SNRPE: variants seen among roughly 807,000 people sequenced by gnomAD.
The protein encoded by SNRPE is small nuclear ribonucleoprotein E.
For missense variants in SNRPE, 53 were observed against 111.6 expected (o/e 0.48, Z 2.36); for synonymous variants, 35 against 36.7 (o/e 0.95, Z 0.17).
intron 4 of SNRPE, among the ~76,000 whole-genome samples, chr1:203,865,744 C>T (rs1690073579): frequency 6.6e-6 from 1 of 152,210 alleles, no homozygotes; most frequent in Non-Finnish European, 1.5e-5. Context: ...GTGCTTCTTA[C>T]TGACTGGCTA....
chr1:203,869,330 G>T (rs188088258), intron 4 of SNRPE, among the ~76,000 whole-genome samples: 308 of 55,556 alleles, frequency 5.5e-3, no homozygotes, highest in Admixed American at 0.014. Context: ...TTTTGGAGAT[G>T]AATTTTGCTC....
intron 4 of SNRPE, 37 bp downstream of exon 4, chr1:203,865,156 AT>A: frequency 6.4e-7 from 1 of 1,559,462 alleles, no homozygotes; most frequent in Non-Finnish European, 8.7e-7. Context: ...TTCTAGAAAT[AT>A]TTTATTCACT....
chr1:203,862,156 A>G lies in SNRPE; in HGVS notation c.55-40A>G, dbSNP rs769741210. 1.1e-5 allele frequency: 17 copies of G among 1,554,210 alleles called. 1 individual carries two copies. In the Middle Eastern group the frequency reaches 5.0e-4, roughly 46 times the overall value. On this transcript the variant is annotated intron_variant, in intron 1 of 4. Coordinates refer to ENST00000414487, the MANE Select transcript of SNRPE (RefSeq NM_003094.4). Reference sequence around the variant, plus strand: ...CCGGTTGTTTCAGGAAGCAGAGTCTATGCTGCTTTTGTATTTTTTCCTTAG... The same window carrying G: ...CCGGTTGTTTCAGGAAGCAGAGTCTGTGCTGCTTTTGTATTTTTTCCTTAG...
At chr1:203,863,828 C>T (rs942033844) in intron 3 of SNRPE, 103 bp downstream of exon 3, 1 of 772,636 alleles carries the variant, frequency 1.3e-6, no homozygotes, top group Non-Finnish European at 2.1e-6. Flanking sequence ...AAGATCCAAC[C>T]TAAGGAAAGT....
Position 203,865,043 on chromosome 1 carries a change from T to G in SNRPE, c.147T>G (p.Gly49=), listed in dbSNP as rs1240572772. The change falls in exon 4 of 5, where the codon GGT becomes GGG. Residue 49 remains glycine, a splice_region_variant and synonymous_variant. Transcript: ENST00000414487. Reference sequence around the variant, plus strand: ...TAACAGTTTGTTTATTTTTCTAGGGTTTTGATGAGTATATGAACCTTGTAT... The same window carrying G: ...TAACAGTTTGTTTATTTTTCTAGGGGTTTGATGAGTATATGAACCTTGTAT... ...VNMRIEGCII[G]FDEYMNLVLD... 1 of 1,606,508 alleles carries G rather than the reference T, an allele frequency of 6.2e-7. No homozygotes were observed. Among genetic ancestry groups the G allele is most frequent in the Non-Finnish European group, 8.5e-7 (1 of 1,177,968 alleles).
intron 4 of SNRPE, among the ~76,000 whole-genome samples, chr1:203,869,611 ATGT>A (rs1442897130): frequency 1.3e-5 from 2 of 152,174 alleles, no homozygotes; most frequent in African/African-American, 4.8e-5. Context: ...GCATTGGGAA[ATGT>A]TGTATGAGGC....
At chr1:203,867,942 T>C (rs1018361647) in intron 4 of SNRPE, among the ~76,000 whole-genome samples, 6 of 152,220 alleles carry the variant, frequency 3.9e-5, no homozygotes, top group Non-Finnish European at 7.3e-5. Flanking sequence ...TCTCCTGTTA[T>C]CAGATGCTTC....
At chr1:203,862,590 C>G (rs942521200) in intron 2 of SNRPE, among the ~76,000 whole-genome samples, 1 of 152,134 alleles carries the variant, frequency 6.6e-6, no homozygotes, top group Non-Finnish European at 1.5e-5. Flanking sequence ...GGAAGAAAAA[C>G]CCAGCCAACT....
Position 203,870,049 on chromosome 1 carries a change from G to A in SNRPE, c.*117G>A, listed in dbSNP as rs1690183531. On this transcript the variant is annotated 3_prime_UTR_variant, in exon 5 of 5. Coordinates refer to ENST00000414487, the MANE Select transcript of SNRPE (RefSeq NM_003094.4). ...GATTACCCTCGTGTTACTACAAGAT[G>A]GCAATAAATACTATGGGATTGTTTG... The A allele has an allele frequency of 6.6e-6, 4 of 604,178 alleles. No homozygotes were observed. Among genetic ancestry groups the A allele is most frequent in the Non-Finnish European group, 1.1e-5 (4 of 356,144 alleles). The allele number at this position is 604,178 out of a possible 1,614,324, so 37.4% of individuals were successfully genotyped here.
At chr1:203,864,704 C>G (rs1690049817) in intron 3 of SNRPE, among the ~76,000 whole-genome samples, 2 of 152,044 alleles carry the variant, frequency 1.3e-5, no homozygotes, top group African/African-American at 4.8e-5. Context: ...TGATGAAACC[C>G]TGTTTCTACC....
intron 1 of SNRPE, 147 bp from the exon 2 acceptor site, chr1:203,862,049 A>G: frequency 1.5e-6 from 1 of 681,744 alleles, no homozygotes; most frequent in Admixed American, 2.5e-5. Flanking sequence ...ACCCGTAACG[A>G]ATGCCCAGCT....
chr1:203,865,454 A>C (rs1558157556), intron 4 of SNRPE, among the ~76,000 whole-genome samples: 3 of 152,176 alleles, frequency 2.0e-5, no homozygotes, highest in Admixed American at 2.0e-4. Context: ...TCTGAGTGGC[A>C]GGAAAAACCC....
intron 2 of SNRPE, 180 bp from the exon 3 acceptor site, chr1:203,863,483 A>C: frequency 1.9e-6 from 1 of 536,116 alleles, no homozygotes; most frequent in Non-Finnish European, 3.3e-6. Flanking sequence ...ACGCCCAGCT[A>C]ATTTTTTTTG....
At chr1:203,869,140 A>C (rs79630014) in intron 4 of SNRPE, among the ~76,000 whole-genome samples, 1 of 152,192 alleles carries the variant, frequency 6.6e-6, no homozygotes, top group Non-Finnish European at 1.5e-5. Context: ...CAGTTTAATT[A>C]CTGTTGGAGT....
At chr1:203,867,307 C>G (rs1300123443) in intron 4 of SNRPE, among the ~76,000 whole-genome samples, 3 of 150,336 alleles carry the variant, frequency 2.0e-5, no homozygotes, top group Admixed American at 6.6e-5. Context: ...CAGTGGTCCC[C>G]AACCATTTTG....
At chr1:203,866,876 T>C (rs1328074734) in intron 4 of SNRPE, among the ~76,000 whole-genome samples, 2 of 151,984 alleles carry the variant, frequency 1.3e-5, no homozygotes, top group Admixed American at 6.6e-5. Context: ...ACTTGTCTTA[T>C]TTCAGTTCTT....
chr1:203,863,378 C>T (rs1690016858), intron 2 of SNRPE, among the ~76,000 whole-genome samples: 1 of 152,032 alleles, frequency 6.6e-6, no homozygotes. Context: ...AGTGCAGTGG[C>T]GCGATCTCAG....
chr1:203,862,133 G>C (rs11240609), intron 1 of SNRPE, 63 bp from the exon 2 acceptor site: 1 of 1,298,122 alleles, frequency 7.7e-7, no homozygotes, highest in Admixed American at 1.7e-5. Context: ...AGCGTCGTCC[G>C]GTTGTTTCAG....
chr1:203,861,897 G>C, intron 1 of SNRPE, 184 bp downstream of exon 1: 1 of 636,296 alleles, frequency 1.6e-6, no homozygotes, highest in Non-Finnish European at 2.9e-6. Flanking sequence ...GTCTTGGGGG[G>C]ACCCCTGCCG....
Sources: gnomAD v4.1 joint callset for allele counts (sites outside exome capture counted in the v4.1 genomes callset) on GRCh38, gnomAD v4.1.1 for gene constraint, MANE v1.5 for transcripts, NCBI Gene and HGNC (gene_info 2026-07-23, HGNC 2026-07-21) for gene names.